Variants in DCAF4L1 observed in about 807,000 individuals in gnomAD.
DCAF4L1 encodes the protein DDB1 and CUL4 associated factor 4 like 1.
In DCAF4L1, 4 loss-of-function variants were observed where a neutral mutation model predicts 28.2. The ratio of observed to expected loss-of-function variants is 0.14; its 90% CI spans 0.07 to 0.33. DCAF4L1 has a LOEUF of 0.33. Among genes scored for constraint, DCAF4L1 ranks in the 10% least tolerant of loss-of-function variants. The pLI is 1.00. For missense variants in DCAF4L1, 331 were observed against 506.1 expected (o/e 0.65, Z 3.32); for synonymous variants, 252 against 212.1 (o/e 1.19, Z -1.63).
rs1167371852 is a variant in DCAF4L1 at position 41,984,643 on chromosome 4, A to T, written c.*1660A>T. ...AAGGGAATGATGCTGAGTTTTAGAC[A>T]TCTACTAAACCTCCAATTGGAGATA... On this transcript the variant is annotated 3_prime_UTR_variant, in exon 1 of 1. Coordinates refer to ENST00000333141, the MANE Select transcript of DCAF4L1 (RefSeq NM_001029955.4). 1.8e-5 allele frequency: 3 copies of T among 167,068 alleles called. No individual in the cohort carries two copies. In the East Asian group the frequency reaches 5.8e-4, roughly 32 times the overall value. The allele number at this position is 167,068 out of a possible 1,614,324, so 10.3% of individuals were successfully genotyped here.
In DCAF4L1 at chr4:41,981,772, A is replaced by C. The variant is rs759428727; in HGVS notation, c.-21A>C. On this transcript the variant is annotated 5_prime_UTR_variant, in exon 1 of 1. Coordinates refer to ENST00000333141, the MANE Select transcript of DCAF4L1 (RefSeq NM_001029955.4). Reference sequence around the variant, plus strand: ...ACATCCTGCAGAATTTCCTGTCACGAGGAACATTCCGCAGGAGGAAATGGA... The same window carrying C: ...ACATCCTGCAGAATTTCCTGTCACGCGGAACATTCCGCAGGAGGAAATGGA... 6.2e-7 allele frequency: 1 copy of C among 1,607,346 alleles called. No homozygotes were observed. Among genetic ancestry groups the C allele is most frequent in the South Asian group, 1.1e-5 (1 of 90,286 alleles).
chr4:41,986,254 C>T lies in DCAF4L1; in HGVS notation c.*3271C>T, dbSNP rs1211170750. 1 of 167,074 alleles carries T rather than the reference C, an allele frequency of 6.0e-6. No individual in the cohort carries two copies. Among genetic ancestry groups the T allele is most frequent in the Non-Finnish European group, 1.5e-5 (1 of 68,142 alleles). The allele number at this position is 167,074 out of a possible 1,614,324, so 10.3% of individuals were successfully genotyped here. A position where few individuals can be genotyped will look rare whatever the true frequency, so the allele number is the denominator to read the frequency against. On this transcript the variant is annotated 3_prime_UTR_variant, in exon 1 of 1. Coordinates refer to ENST00000333141, the MANE Select transcript of DCAF4L1 (RefSeq NM_001029955.4). ...GGAGTGAAACTCAGGGTTAGTCGCT[C>T]CTGTTTCCTTAGTTTGGGATTCTGA...
At position 41,982,524 on chromosome 4, in the gene DCAF4L1, C is replaced by G. The variant is rs755822213; in HGVS notation, c.732C>G (p.Arg244=). ...STAPLLFNGC[R]SGEIFAIDLR... is the part of the protein sequence containing the mutation. ...CTCCTTTGCTGTTTAATGGCTGTCG[C>G]TCCGGGGAGATCTTTGCCATTGATC... The change falls in exon 1 of 1, where the codon CGC becomes CGG. Residue 244 remains arginine, a synonymous_variant. Coordinates refer to ENST00000333141, the MANE Select transcript of DCAF4L1 (RefSeq NM_001029955.4). This position sits in a 1 kb window ranked among gnomAD's most constrained non-coding sequence, Gnocchi z 4.4. 2.1e-5 allele frequency: 34 copies of G among 1,614,080 alleles called. No homozygotes were observed. The East Asian group carries it at 7.4e-4, about 35-fold the overall frequency.
Position 41,984,563 on chromosome 4 carries a change from AG to A in DCAF4L1, c.*1581del, listed in dbSNP as rs1714091366. 1.2e-5 allele frequency: 2 copies of A among 165,340 alleles called. No individual in the cohort carries two copies. The highest frequency in any genetic ancestry group is 1.3e-4 in the Admixed American group (2 of 14,828). 10.2% of individuals were successfully genotyped at this position (165,340 alleles called of 1,614,324 possible). A position where few individuals can be genotyped will look rare whatever the true frequency, so the allele number is the denominator to read the frequency against. ...CTTTTTTGTTAACTTTAGAACTGGT[AG>A]ATGATGGTGTCGTTTACTAACCTGG... On this transcript the variant is annotated 3_prime_UTR_variant, in exon 1 of 1. Transcript: ENST00000333141.
In DCAF4L1 at chr4:41,982,167, G is replaced by T. The variant is rs757548806; in HGVS notation, c.375G>T (p.Arg125=). 3 of 1,614,218 alleles carry T rather than the reference G, an allele frequency of 1.9e-6. No homozygotes were observed. In the East Asian group the frequency reaches 6.7e-5, roughly 36 times the overall value. The stretch of plus-strand genomic sequence containing the variant: ...TCAGAAACCTCTACGTCCCCAACCG[G>T]AAGGTGAAGTCCCTGTGCTGGGCCT... ...YVLRNLYVPN[R]KVKSLCWASL... The change falls in exon 1 of 1, where the codon CGG becomes CGT. Residue 125 remains arginine, a synonymous_variant. Transcript: ENST00000333141. The surrounding 1 kb of genome is among the most constrained non-coding windows in gnomAD (Gnocchi z 4.4).
chr4:41,983,672 C>T lies in DCAF4L1; in HGVS notation c.*689C>T, dbSNP rs2660335. ...TTTCAGAATGTAAGGTACAGCAGCT[C>T]CGGTTTCTATTATGGTGACTTGAAG... On this transcript the variant is annotated 3_prime_UTR_variant, in exon 1 of 1. Coordinates refer to ENST00000333141, the MANE Select transcript of DCAF4L1 (RefSeq NM_001029955.4). The T allele has an allele frequency of 0.66, 109,570 of 166,920 alleles. 40,850 individuals are homozygous for T. The highest frequency in any genetic ancestry group is 0.96 in the East Asian group (5,001 of 5,196). 10.3% of individuals were successfully genotyped at this position (166,920 alleles called of 1,614,324 possible).
Position 41,982,641 on chromosome 4 carries a change from A to G in DCAF4L1, c.849A>G (p.Gln283=), listed in dbSNP as rs1025349522. ...VTSVQILQEE[Q]CLMASDMTGK... ...CTGTGCAAATCCTCCAAGAAGAGCA[A>G]TGCCTGATGGCATCAGACATGACTG... is the stretch of plus-strand genomic sequence containing the variant. Residue 283 remains glutamine (Q), a synonymous_variant, in exon 1 of 1, where the codon CAA becomes CAG. Coordinates refer to ENST00000333141, the MANE Select transcript of DCAF4L1 (RefSeq NM_001029955.4). This position sits in a 1 kb window ranked among gnomAD's most constrained non-coding sequence, Gnocchi z 4.4. The G allele has an allele frequency of 1.9e-6, 3 of 1,614,250 alleles. No homozygotes were observed. The highest frequency in any genetic ancestry group is 2.7e-5 in the African/African-American group (2 of 75,072).
chr4:41,983,074 C>T lies in DCAF4L1; in HGVS notation c.*91C>T. The T allele has an allele frequency of 8.4e-7, 1 of 1,192,360 alleles. No homozygotes were observed. Among genetic ancestry groups the T allele is most frequent in the Non-Finnish European group, 1.2e-6 (1 of 849,398 alleles). The allele number at this position is 1,192,360 out of a possible 1,614,324, so 73.9% of individuals were successfully genotyped here. A position where few individuals can be genotyped will look rare whatever the true frequency, so the allele number is the denominator to read the frequency against. The stretch of plus-strand genomic sequence containing the variant: ...GTTTCTGTGAGAGCATTTTAAGAGA[C>T]GTGTTGTATATAGATCGCATCCATC... On this transcript the variant is annotated 3_prime_UTR_variant, in exon 1 of 1. Transcript: ENST00000333141.
chr4:41,982,593 G>T lies in DCAF4L1; in HGVS notation c.801G>T (p.Leu267=), dbSNP rs1464133383. The part of the protein sequence containing the change: ...NRGKGWRATR[L]FHDSAVTSVQ... ...GCAAGGGGTGGAGGGCCACTCGCCTGTTCCATGACTCAGCAGTGACCTCTG... is the reference window on the plus strand; with the variant it reads ...GCAAGGGGTGGAGGGCCACTCGCCTTTTCCATGACTCAGCAGTGACCTCTG... The change falls in exon 1 of 1, where the codon CTG becomes CTT. Residue 267 remains leucine, a synonymous_variant. Coordinates refer to ENST00000333141, the MANE Select transcript of DCAF4L1 (RefSeq NM_001029955.4). This position sits in a 1 kb window ranked among gnomAD's most constrained non-coding sequence, Gnocchi z 4.4. 1 of 1,614,250 alleles carries T rather than the reference G, an allele frequency of 6.2e-7. No homozygotes were observed. Among genetic ancestry groups the T allele is most frequent in the East Asian group, 2.2e-5 (1 of 44,892 alleles).
In DCAF4L1 at chr4:41,982,291, G is replaced by T. The variant is rs1381753327; in HGVS notation, c.499G>T (p.Val167Phe). The change falls in exon 1 of 1, where the codon GTT becomes TTT. Residue 167 changes from valine to phenylalanine, a missense_variant. Physicochemically the swap from Val to Phe is conservative, Grantham distance 50 (BLOSUM62 -1). Coordinates refer to ENST00000333141, the MANE Select transcript of DCAF4L1 (RefSeq NM_001029955.4). This position sits in a 1 kb window ranked among gnomAD's most constrained non-coding sequence, Gnocchi z 4.4. ...GCTCCCAGCGTCGCGGTTCTTAAGT[G>T]TTCACACAAGAGTTAACCAGCCTGG... ...VLLPASRFLS[V>F]HTRVNQPGML... 1 of 1,614,090 alleles carries T rather than the reference G, an allele frequency of 6.2e-7. No individual in the cohort carries two copies. Among genetic ancestry groups the T allele is most frequent in the Non-Finnish European group, 8.5e-7 (1 of 1,180,048 alleles).
chr4:41,986,178 T>A lies in DCAF4L1; in HGVS notation c.*3195T>A, dbSNP rs1338877148. The A allele has an allele frequency of 6.0e-6, 1 of 167,156 alleles. No homozygotes were observed. The highest frequency in any genetic ancestry group is 2.4e-5 in the African/African-American group (1 of 41,462). The allele number at this position is 167,156 out of a possible 1,614,324, so 10.4% of individuals were successfully genotyped here. On this transcript the variant is annotated 3_prime_UTR_variant, in exon 1 of 1. Coordinates refer to ENST00000333141, the MANE Select transcript of DCAF4L1 (RefSeq NM_001029955.4). ...AGCAAAGGACCTTGATCCCCTATAT[T>A]GCCTGTGTTGTAAGGGATGGGCTGG...
Position 41,982,819 on chromosome 4 carries a change from C to T in DCAF4L1, c.1027C>T (p.Leu343Phe). The change falls in exon 1 of 1, where the codon CTC becomes TTC. Residue 343 changes from leucine to phenylalanine, a missense_variant. Leu to Phe is a conservative substitution (Grantham distance 22). Transcript: ENST00000333141. The surrounding 1 kb of genome is among the most constrained non-coding windows in gnomAD (Gnocchi z 4.4). ...GGACTGCTACACGAGAATCTGGAGC[C>T]TCCATGATGCCCACCTGCTCAGAAC... ...GQDCYTRIWS[L>F]HDAHLLRTIP... The T allele has an allele frequency of 1.2e-6, 2 of 1,614,184 alleles. No homozygotes were observed. Among genetic ancestry groups the T allele is most frequent in the East Asian group, 4.5e-5 (2 of 44,866 alleles).
rs1714060443 is a variant in DCAF4L1, at chr4:41,983,586, A to G, written c.*603A>G. On this transcript the variant is annotated 3_prime_UTR_variant, in exon 1 of 1. Transcript: ENST00000333141. The stretch of plus-strand genomic sequence containing the variant: ...TCATCCATAGGCATTGGAAGGAAAG[A>G]TGGATCTTTTTAAATACTAGAAGTT... 1 of 167,180 alleles carries G rather than the reference A, an allele frequency of 6.0e-6. No homozygotes were observed. Among genetic ancestry groups the G allele is most frequent in the African/African-American group, 2.4e-5 (1 of 41,468 alleles). 10.4% of individuals were successfully genotyped at this position (167,180 alleles called of 1,614,324 possible). A position where few individuals can be genotyped will look rare whatever the true frequency, so the allele number is the denominator to read the frequency against.
At position 41,981,799 on chromosome 4, in the gene DCAF4L1, G is replaced by C; in HGVS notation, c.7G>C (p.Ala3Pro). The change falls in exon 1 of 1, where the codon GCT (alanine) becomes CCT (proline). Residue 3 changes from alanine (A) to proline (P), a missense_variant. By Grantham distance (27) the Ala-to-Pro change is conservative. Coordinates refer to ENST00000333141, the MANE Select transcript of DCAF4L1 (RefSeq NM_001029955.4). ...GAACATTCCGCAGGAGGAAATGGAG[G>C]CTGAAAGGCTGCGACTCCTCGAGGA... ME[A>P]ERLRLLEEEA... 1.9e-6 allele frequency: 3 copies of C among 1,613,724 alleles called. No homozygotes were observed. Among genetic ancestry groups the C allele is most frequent in the Non-Finnish European group, 1.7e-6 (2 of 1,179,692 alleles).
Position 41,984,048 on chromosome 4 carries a change from G to T in DCAF4L1, c.*1065G>T. On this transcript the variant is annotated 3_prime_UTR_variant, in exon 1 of 1. Transcript: ENST00000333141. ...TAAAGTTCAAAAGCAGTAAAAACTT[G>T]TCTATGGTGATTAAAGGTAGAGTAG... The T allele has an allele frequency of 6.1e-6, 1 of 163,656 alleles. No homozygotes were observed. 10.1% of individuals were successfully genotyped at this position (163,656 alleles called of 1,614,324 possible).
chr4:41,982,454 T>A lies in DCAF4L1; in HGVS notation c.662T>A (p.Phe221Tyr). ...TSVATGHQQS[F>Y]DTSSDVLAQQ... ...GTGGCGACGGGACACCAGCAGTCAT[T>A]TGATACCAGCAGTGATGTCTTGGCC... The change falls in exon 1 of 1, where the codon TTT becomes TAT. Residue 221 changes from phenylalanine (F) to tyrosine (Y), a missense_variant. Transcript: ENST00000333141. The surrounding 1 kb of genome is among the most constrained non-coding windows in gnomAD (Gnocchi z 4.4). The A allele has an allele frequency of 6.2e-7, 1 of 1,614,188 alleles. No homozygotes were observed. The highest frequency in any genetic ancestry group is 8.5e-7 in the Non-Finnish European group (1 of 1,180,046).
At position 41,981,865 on chromosome 4, in the gene DCAF4L1, G is replaced by T. The variant is rs748201042; in HGVS notation, c.73G>T (p.Ala25Ser). The stretch of plus-strand genomic sequence containing the variant: ...AAAGGTAGCCAGAATGGGATTTAAT[G>T]CATCTTCCATGCTCCGAAAAAGCCA... ...LKKVARMGFN[A>S]SSMLRKSQLG... Residue 25 changes from alanine to serine, a missense_variant, in exon 1 of 1, where the codon GCA (alanine) becomes TCA (serine). Coordinates refer to ENST00000333141, the MANE Select transcript of DCAF4L1 (RefSeq NM_001029955.4). The T allele has an allele frequency of 6.2e-6, 10 of 1,614,240 alleles. No individual in the cohort carries two copies. In the Admixed American group the frequency reaches 1.7e-4, roughly 27 times the overall value.
Position 41,983,182 on chromosome 4 carries a change from G to A in DCAF4L1, c.*199G>A, listed in dbSNP as rs774170678. On this transcript the variant is annotated 3_prime_UTR_variant, in exon 1 of 1. Transcript: ENST00000333141. ...TTCAGTTAAACTGTGGACTTAACTT[G>A]AAAGTCCTTTTCATAAAAGGTACCT... is the stretch of plus-strand genomic sequence containing the variant. 7 of 561,548 alleles carry A rather than the reference G, an allele frequency of 1.2e-5. No homozygotes were observed. The highest frequency in any genetic ancestry group is 3.4e-5 in the Admixed American group (1 of 29,006). 34.8% of individuals were successfully genotyped at this position (561,548 alleles called of 1,614,324 possible).
rs770464220 is a variant in DCAF4L1 at position 41,982,125 on chromosome 4, G to A, written c.333G>A (p.Ser111=). The stretch of plus-strand genomic sequence containing the variant: ...GCCTGCGAACTCTGAAGATCCCTTC[G>A]TTCCACGTGTACGTGCTCAGAAACC... The part of the protein sequence containing the change: ...IISLRTLKIP[S]FHVYVLRNLY... Residue 111 remains serine (S), a synonymous_variant, in exon 1 of 1, where the codon TCG becomes TCA. Coordinates refer to ENST00000333141, the MANE Select transcript of DCAF4L1 (RefSeq NM_001029955.4). This position sits in a 1 kb window ranked among gnomAD's most constrained non-coding sequence, Gnocchi z 4.4. 21 of 1,614,074 alleles carry A rather than the reference G, an allele frequency of 1.3e-5. No homozygotes were observed. Among genetic ancestry groups the A allele is most frequent in the African/African-American group, 4.0e-5 (3 of 74,928 alleles).
Sources: allele counts gnomAD v4.1 joint callset, GRCh38; gene constraint gnomAD v4.1.1; non-coding constraint Gnocchi (gnomAD v3.1); transcripts MANE v1.5; gene names NCBI Gene and HGNC (gene_info 2026-07-23, HGNC 2026-07-21).